The following DGKH variants were observed in gnomAD, a reference collection of about 807,000 sequenced individuals.
The protein encoded by DGKH is DAG kinase eta.
In DGKH, 90 loss-of-function variants were observed where a neutral mutation model predicts 159.3. The ratio of observed to expected loss-of-function variants is 0.57; its 90% CI spans 0.48 to 0.67. The LOEUF is 0.67. Among genes scored for constraint, DGKH ranks in the 30% least tolerant of loss-of-function variants. The probability of loss-of-function intolerance (pLI) is 0.00; values close to 1 mark genes in which losing one functional copy is unlikely to be tolerated. For missense variants in DGKH, 1,181 were observed against 1,506.1 expected (o/e 0.78, Z 3.57); for synonymous variants, 536 against 553.8 (o/e 0.97, Z 0.45).
At chr13:42,197,041 G>A (rs1957217227) in intron 17 of DGKH, among the ~76,000 whole-genome samples, 1 of 152,018 alleles carries the variant, frequency 6.6e-6, no homozygotes, top group South Asian at 2.1e-4. Flanking sequence ...ATCACCTGAG[G>A]TCAGGAGTTT....
At chr13:42,100,280 T>G (rs950713388) in intron 1 of DGKH, among the ~76,000 whole-genome samples, 1 of 152,188 alleles carries the variant, frequency 6.6e-6, no homozygotes, top group Non-Finnish European at 1.5e-5. Flanking sequence ...TGTCACTGTC[T>G]CCCATCAGCC....
At chr13:42,114,162 G>A (rs868255154) in intron 1 of DGKH, among the ~76,000 whole-genome samples, 2 of 152,074 alleles carry the variant, frequency 1.3e-5, no homozygotes, top group Non-Finnish European at 2.9e-5. Flanking sequence ...AAGCAGAATG[G>A]CTTTTAATTT....
At chr13:42,071,036 A>C in intron 1 of DGKH, 1 of 1,261,362 alleles carries the variant, frequency 7.9e-7, no homozygotes, top group Non-Finnish European at 1.1e-6. Flanking sequence ...AAGTCCATAT[A>C]CGTAGAATCC....
intron 12 of DGKH, among the ~76,000 whole-genome samples, chr13:42,176,758 A>G (rs1269591506): frequency 6.6e-6 from 1 of 152,206 alleles, no homozygotes; most frequent in Non-Finnish European, 1.5e-5. Context: ...GCAGAAGAGC[A>G]TAGGCGGCCA....
rs1958480265 is a variant in DGKH at position 42,239,600 on chromosome 13, A to AT, written c.*10413dup. ...CATTGCTGCCTTTCAGGCCTTCATC[A>AT]TACAAACCCTCACCATTTTTCACTC... On this transcript the variant is annotated 3_prime_UTR_variant, in exon 30 of 30. Transcript: ENST00000337343. The AT allele has an allele frequency of 6.6e-6, 1 of 152,452 alleles. No individual in the cohort carries two copies. Among genetic ancestry groups the AT allele is most frequent in the South Asian group, 2.1e-4 (1 of 4,828 alleles). 9.4% of individuals were successfully genotyped at this position (152,452 alleles called of 1,614,324 possible).
rs542901547 is a variant in DGKH at position 42,103,045 on chromosome 13, G to A, written c.193-24418G>A. ...AGGCCTGATTGAAGAGAAGCAGCAG[G>A]AATTAAGTGGACTGCTCAAATGAGA... is the stretch of plus-strand genomic sequence containing the variant. On this transcript the variant is annotated intron_variant, in intron 1 of 29. Coordinates refer to ENST00000337343, the MANE Select transcript of DGKH (RefSeq NM_178009.5). Among the ~76,000 whole-genome samples, 22 of 152,338 alleles carry A rather than the reference G, an allele frequency of 1.4e-4. No individual in the cohort carries two copies. In the South Asian group the frequency reaches 4.6e-3, roughly 32 times the overall value.
chr13:42,075,360 T>C (rs1332416658), intron 1 of DGKH, among the ~76,000 whole-genome samples: 4 of 152,190 alleles, frequency 2.6e-5, no homozygotes, highest in Admixed American at 6.5e-5. Context: ...AACTTTATAA[T>C]GAAAATATTT....
chr13:42,163,105 A>G (rs1160177910), intron 7 of DGKH, among the ~76,000 whole-genome samples: 1 of 149,448 alleles, frequency 6.7e-6, no homozygotes, highest in Non-Finnish European at 1.5e-5. Flanking sequence ...GAGTGAGAAC[A>G]TGCGGTGTTT....
chr13:42,148,937 G>A (rs1023653498), intron 3 of DGKH, among the ~76,000 whole-genome samples: 3 of 79,824 alleles, frequency 3.8e-5, no homozygotes, highest in East Asian at 3.7e-4. Context: ...AACCCCGCCC[G>A]CCCCTTCTTT....
Position 42,187,083 on chromosome 13 carries a change from A to G in DGKH, c.1573A>G (p.Lys525Glu), listed in dbSNP as rs941353996. 3.1e-6 allele frequency: 5 copies of G among 1,614,018 alleles called. No homozygotes were observed. Among genetic ancestry groups the G allele is most frequent in the Non-Finnish European group, 4.2e-6 (5 of 1,180,004 alleles). The change falls in exon 14 of 30, where the codon AAA (lysine) becomes GAA (glutamate). Residue 525 changes from lysine (K) to glutamate (E), a missense_variant. Physicochemically the swap from Lys to Glu is moderately conservative, Grantham distance 56 (BLOSUM62 1). Around this residue, in one of 5 missense-constraint regions of DGKH, gnomAD observed 257 missense variants for 281.5 expected, o/e 0.91. Transcript: ENST00000337343. ...TGAAACTGTAAAGGACTTCGTTGCC[A>G]AAGTAGAAAAGACGTATGACAAAAC... Reference protein sequence around the residue: ...LCETVKDFVAKVEKTYDKTLE... With the variant: ...LCETVKDFVAEVEKTYDKTLE...
At chr13:42,142,371 C>A (rs1042058129) in intron 3 of DGKH, among the ~76,000 whole-genome samples, 1 of 151,634 alleles carries the variant, frequency 6.6e-6, no homozygotes, top group Non-Finnish European at 1.5e-5. Context: ...ATTGACTTGG[C>A]AATGCGGGCT....
chr13:42,087,076 C>CAA (rs1386420034), intron 1 of DGKH, among the ~76,000 whole-genome samples: 3 of 150,524 alleles, frequency 2.0e-5, no homozygotes, highest in Non-Finnish European at 4.4e-5. Flanking sequence ...CACACACACA[C>CAA]ACACACACCT....
intron 3 of DGKH, among the ~76,000 whole-genome samples, chr13:42,143,356 TC>T (rs1955624158): frequency 1.3e-5 from 2 of 152,072 alleles, no homozygotes; most frequent in Admixed American, 6.5e-5. Flanking sequence ...GGTCTAAAAT[TC>T]TCTTTTTTTT....
chr13:42,106,796 C>T (rs1163178058), intron 1 of DGKH, among the ~76,000 whole-genome samples: 1 of 152,140 alleles, frequency 6.6e-6, no homozygotes, highest in Non-Finnish European at 1.5e-5. Context: ...GTAATCTCAG[C>T]GCTTTGGAAG....
intron 1 of DGKH, 132 bp from the exon 2 acceptor site, chr13:42,127,331 A>C (rs1025204075): frequency 2.9e-6 from 2 of 698,368 alleles, no homozygotes; most frequent in African/African-American, 3.6e-5. Context: ...TGAGAGTAAA[A>C]TATTCTCCTG....
intron 13 of DGKH, chr13:42,181,349 A>AG: frequency 1.3e-5 from 2 of 154,504 alleles, no homozygotes; most frequent in Admixed American, 1.3e-4. Flanking sequence ...TATGAATGAC[A>AG]GAGGAGAGGC....
At chr13:42,199,487 A>G in intron 18 of DGKH, 79 bp from the exon 19 acceptor site, 1 of 989,664 alleles carries the variant, frequency 1.0e-6, no homozygotes, top group Non-Finnish European at 1.5e-6. Flanking sequence ...AATGGTTTTA[A>G]GTACTATCTT....
At chr13:42,053,431 T>C (rs946377310) in intron 1 of DGKH, among the ~76,000 whole-genome samples, 4 of 142,350 alleles carry the variant, frequency 2.8e-5, no homozygotes, top group Non-Finnish European at 6.1e-5. Context: ...TAACTCTATA[T>C]GTAGCTATAT....
intron 21 of DGKH, among the ~76,000 whole-genome samples, chr13:42,206,788 A>C (rs1463492276): frequency 2.0e-5 from 3 of 152,040 alleles, no homozygotes; most frequent in Non-Finnish European, 2.9e-5. Flanking sequence ...CTGTGATTAC[A>C]TTGGGCCCAC....
Sources: allele counts gnomAD v4.1 joint callset (sites outside exome capture counted in the v4.1 genomes callset), GRCh38; gene constraint gnomAD v4.1.1; regional missense constraint gnomAD v4.1.1; transcripts MANE v1.5; gene names NCBI Gene and HGNC (gene_info 2026-07-23, HGNC 2026-07-21).